PDE1C: variants seen among roughly 807,000 people sequenced by gnomAD.
PDE1C encodes the protein phosphodiesterase 1C.
In PDE1C, 62 loss-of-function variants were observed where a neutral mutation model predicts 93.1. The observed-to-expected ratio is 0.67, with a 90% CI of 0.54 to 0.82. PDE1C has a LOEUF of 0.82. PDE1C is among the 40% of genes least tolerant of loss of function. The probability of loss-of-function intolerance (pLI) is 0.00; values close to 1 mark genes in which losing one functional copy is unlikely to be tolerated. For missense variants in PDE1C, 742 were observed against 884.6 expected, an observed-to-expected ratio of 0.84 and a Z score of 2.04; for synonymous variants, 325 against 310.1, an observed-to-expected ratio of 1.05 and a Z score of -0.50.
the PDE1C span, among the ~76,000 whole-genome samples, chr7:31,691,539 C>T: frequency 6.6e-6 from 1 of 151,956 alleles, no homozygotes; most frequent in South Asian, 2.1e-4. Flanking sequence ...TCCTTCAGAC[C>T]TGACACATAT....
chr7:31,841,683 G>A (rs1357702570), intron 9 of PDE1C, among the ~76,000 whole-genome samples: 1 of 152,046 alleles, frequency 6.6e-6, no homozygotes, highest in African/African-American at 2.4e-5. Context: ...TTTGAATGCT[G>A]AATTAATCTT....
chr7:31,955,662 A>C (rs1808027594), intron 2 of PDE1C, among the ~76,000 whole-genome samples: 1 of 152,188 alleles, frequency 6.6e-6, no homozygotes, highest in African/African-American at 2.4e-5. Flanking sequence ...TCATGGAAGT[A>C]CCTAGAGAAT....
intron 3 of PDE1C, among the ~76,000 whole-genome samples, chr7:32,157,108 A>G (rs1801620186): frequency 6.6e-6 from 1 of 152,196 alleles, no homozygotes; most frequent in Non-Finnish European, 1.5e-5. Context: ...AACAAAACAC[A>G]TGGCCTGTTT....
chr7:32,285,377 A>G lies in PDE1C; in HGVS notation c.85+13274T>C, dbSNP rs1485948930. Among the ~76,000 whole-genome samples the G allele has an allele frequency of 2.6e-5, 4 of 152,228 alleles. No homozygotes were observed. In the East Asian group the frequency reaches 5.8e-4, roughly 22 times the overall value. Reference sequence around the variant, plus strand: ...AACCTACCCAAGAGACTTAAAACATATGTCCACACAAAGACATGTATGTAA... The same window carrying G: ...AACCTACCCAAGAGACTTAAAACATGTGTCCACACAAAGACATGTATGTAA... On this transcript the variant is annotated intron_variant, in intron 1 of 18. Coordinates refer to the PDE1C transcript ENST00000396193.
At chr7:31,651,439 G>A in the PDE1C span, among the ~76,000 whole-genome samples, 3 of 152,128 alleles carry the variant, frequency 2.0e-5, no homozygotes, top group Non-Finnish European at 2.9e-5. Flanking sequence ...GAGTCTGTGA[G>A]AGCCATTTGC....
At chr7:32,267,586 A>ACACTCTCTCTCTCT (rs1442508353) in intron 1 of PDE1C, among the ~76,000 whole-genome samples, 1 of 117,536 alleles carries the variant, frequency 8.5e-6, no homozygotes, top group Non-Finnish European at 1.8e-5. Context: ...ACACACACAC[A>ACACTCTCTCTCTCT]CTCTCTCTCT....
At chr7:32,151,393 T>C (rs1801246954) in intron 3 of PDE1C, among the ~76,000 whole-genome samples, 1 of 152,234 alleles carries the variant, frequency 6.6e-6, no homozygotes, top group African/African-American at 2.4e-5. Context: ...TGAGAGTTAA[T>C]TGTGTGCATC....
At chr7:31,979,538 G>A (rs1428903354) in intron 2 of PDE1C, among the ~76,000 whole-genome samples, 1 of 152,082 alleles carries the variant, frequency 6.6e-6, no homozygotes, top group Non-Finnish European at 1.5e-5. Flanking sequence ...CACAGGGAGG[G>A]GTAAAGGAAC....
At chr7:31,760,735 T>G in intron 17 of PDE1C, among the ~76,000 whole-genome samples, 1 of 149,266 alleles carries the variant, frequency 6.7e-6, no homozygotes, top group Non-Finnish European at 1.5e-5. Flanking sequence ...CTTTCTCCTA[T>G]AGACACTTTC....
At chr7:32,249,772 T>C (rs947757492) in intron 1 of PDE1C, among the ~76,000 whole-genome samples, 1 of 152,192 alleles carries the variant, frequency 6.6e-6, no homozygotes, top group Non-Finnish European at 1.5e-5. Context: ...AAGTCAATCA[T>C]CACGTCTTAA....
At chr7:31,969,333 A>T (rs1411053237) in intron 2 of PDE1C, among the ~76,000 whole-genome samples, 4 of 152,258 alleles carry the variant, frequency 2.6e-5, no homozygotes, top group Non-Finnish European at 5.9e-5. Flanking sequence ...TGGGTGAAGG[A>T]TATGAACAGA....
chr7:32,203,407 C>G (rs1805171876), intron 2 of PDE1C, among the ~76,000 whole-genome samples: 1 of 152,020 alleles, frequency 6.6e-6, no homozygotes, highest in African/African-American at 2.4e-5. Context: ...GGTGCTGCCT[C>G]CCTCTATTTC....
chr7:32,336,161 T>C (rs1183924800), intron 1 of PDE1C, among the ~76,000 whole-genome samples: 3 of 151,612 alleles, frequency 2.0e-5, no homozygotes, highest in Non-Finnish European at 2.9e-5. Context: ...GGCAAGAGAG[T>C]CTAATTAATG....
At chr7:32,012,143 C>A (rs574266983) in intron 2 of PDE1C, among the ~76,000 whole-genome samples, 1 of 152,178 alleles carries the variant, frequency 6.6e-6, no homozygotes, top group African/African-American at 2.4e-5. Flanking sequence ...TAGGTAATTC[C>A]TAAAGAAAAG....
chr7:32,014,752 C>G (rs1280011209), intron 2 of PDE1C, among the ~76,000 whole-genome samples: 1 of 152,126 alleles, frequency 6.6e-6, no homozygotes. Context: ...AGAATGATGG[C>G]TTCCAGTTTC....
At chr7:31,841,743 C>G (rs1791926232) in intron 9 of PDE1C, among the ~76,000 whole-genome samples, 1 of 132,688 alleles carries the variant, frequency 7.5e-6, no homozygotes, top group Admixed American at 7.5e-5. Flanking sequence ...CCAGAGAAAC[C>G]AATAGGATAG....
chr7:31,946,278 T>C lies in PDE1C; in HGVS notation c.129-65418A>G, dbSNP rs114586003. ...CATAATGTAAAAGAGTCTTGGAACATGTCGGGGGTCCAGGGTCTGAAACCC... is the reference window on the plus strand; with the variant it reads ...CATAATGTAAAAGAGTCTTGGAACACGTCGGGGGTCCAGGGTCTGAAACCC... On this transcript the variant is annotated intron_variant, in intron 2 of 17. Coordinates refer to ENST00000396191, the MANE Select transcript of PDE1C (RefSeq NM_001191057.4). Among the ~76,000 whole-genome samples the C allele has an allele frequency of 4.8e-3, 726 of 152,148 alleles. 6 individuals carry two copies. The highest frequency in any genetic ancestry group is 0.017 in the African/African-American group (692 of 41,520).
intron 2 of PDE1C, among the ~76,000 whole-genome samples, chr7:31,956,275 G>A (rs1235615894): frequency 6.6e-6 from 1 of 152,054 alleles, no homozygotes; most frequent in Non-Finnish European, 1.5e-5. Context: ...CGTATTTTTA[G>A]TAGAGATGGG....
intron 12 of PDE1C, among the ~76,000 whole-genome samples, chr7:31,828,085 A>G (rs1394469588): frequency 6.6e-6 from 1 of 152,116 alleles, no homozygotes; most frequent in Non-Finnish European, 1.5e-5. Flanking sequence ...CACCAAGAGT[A>G]TCATTGTCCA....
Sources: gnomAD v4.1 joint callset for allele counts (sites outside exome capture counted in the v4.1 genomes callset) on GRCh38, gnomAD v4.1.1 for gene constraint, MANE v1.5 for transcripts, NCBI Gene and HGNC (gene_info 2026-07-23, HGNC 2026-07-21) for gene names.